DOCK1: variants seen among roughly 807,000 people sequenced by gnomAD.
The protein encoded by DOCK1 is dedicator of cytokinesis protein 1.
DOCK1 carries 138 observed loss-of-function variants against 262.7 expected under a neutral mutation model. That is an observed-to-expected ratio of 0.53 (90% CI 0.46 to 0.61). DOCK1 has a LOEUF of 0.61. Among genes scored for constraint, DOCK1 ranks in the 20% least tolerant of loss-of-function variants. The pLI is 0.00. For synonymous variants in DOCK1, 866 were observed against 867.4 expected, an observed-to-expected ratio of 1.00 and a Z score of 0.03; for missense variants, 1,908 against 2,370.7, an observed-to-expected ratio of 0.80 and a Z score of 4.05.
chr10:127,342,428 T>C (rs1296183237), intron 30 of DOCK1, among the ~76,000 whole-genome samples: 1 of 152,172 alleles, frequency 6.6e-6, no homozygotes, highest in African/African-American at 2.4e-5. Context: ...GTGTTACCTG[T>C]AGCTTTGGGC....
chr10:127,223,582 A>G (rs2058521189), intron 27 of DOCK1, among the ~76,000 whole-genome samples: 1 of 152,192 alleles, frequency 6.6e-6, no homozygotes, highest in Non-Finnish European at 1.5e-5. Flanking sequence ...GTATAATGCA[A>G]ATATTCCAAA....
intron 29 of DOCK1, among the ~76,000 whole-genome samples, chr10:127,302,878 A>G (rs1311008152): frequency 6.6e-6 from 1 of 152,068 alleles, no homozygotes; most frequent in Non-Finnish European, 1.5e-5. Context: ...CCTGTATGCA[A>G]TGAAAATGCA....
Position 127,409,021 on chromosome 10 carries a change from A to G in DOCK1, c.4123-16A>G. 1 of 1,572,660 alleles carries G rather than the reference A, an allele frequency of 6.4e-7. No homozygotes were observed. The highest frequency in any genetic ancestry group is 2.3e-5 in the East Asian group (1 of 43,304). ...CTTTCTCTGTGGTGTTATGAAATGAATGTCACCCTTTTCAGGGAAAAGTTT... is the reference window on the plus strand; with the variant it reads ...CTTTCTCTGTGGTGTTATGAAATGAGTGTCACCCTTTTCAGGGAAAAGTTT... On this transcript the variant is annotated splice_polypyrimidine_tract_variant and intron_variant, in intron 40 of 51. Transcript: ENST00000623213.
intron 1 of DOCK1, among the ~76,000 whole-genome samples, chr10:126,924,162 G>A (rs2033472446): frequency 6.6e-6 from 1 of 150,824 alleles, no homozygotes; most frequent in Admixed American, 6.6e-5. Flanking sequence ...AACTGAGCGG[G>A]GGGACTTGAG....
intron 10 of DOCK1, among the ~76,000 whole-genome samples, chr10:127,002,440 A>G (rs552188396): frequency 2.6e-5 from 4 of 152,302 alleles, no homozygotes; most frequent in African/African-American, 9.6e-5. Context: ...TTCAGTTTTC[A>G]TTGGGTTGAT....
chr10:127,381,854 A>C (rs1293876050), intron 37 of DOCK1, among the ~76,000 whole-genome samples: 2 of 152,108 alleles, frequency 1.3e-5, no homozygotes, highest in Non-Finnish European at 2.9e-5. Flanking sequence ...TCTTCTAAGG[A>C]GTGTTGCTCC....
intron 29 of DOCK1, among the ~76,000 whole-genome samples, chr10:127,276,258 G>C (rs2498950): frequency 0.3 from 46,341 of 152,064 alleles, 8,254 homozygotes; most frequent in South Asian, 0.55. Context: ...AGAGCCCCTA[G>C]AGAGATGACT....
rs72841531 is a variant in DOCK1, at chr10:127,379,508, C to T, written c.3676-574C>T. Among the ~76,000 whole-genome samples, 667 of 152,270 alleles carry T rather than the reference C, an allele frequency of 4.4e-3. 2 individuals are homozygous for T. The highest frequency in any genetic ancestry group is 8.0e-3 in the Non-Finnish European group (543 of 68,026). On this transcript the variant is annotated intron_variant, in intron 35 of 51. Coordinates refer to ENST00000623213, the MANE Select transcript of DOCK1 (RefSeq NM_001290223.2). ...AGACTAGCCGCATGTGGCTGTTAAG[C>T]GCTCCAAGTGTGGCAAGTGCAGCTG...
intron 1 of DOCK1, among the ~76,000 whole-genome samples, chr10:126,947,285 T>C (rs2035503808): frequency 2.1e-5 from 3 of 145,780 alleles, no homozygotes; most frequent in African/African-American, 5.0e-5. Context: ...GTGGTGATGG[T>C]GGTGGTTGGT....
intron 32 of DOCK1, among the ~76,000 whole-genome samples, chr10:127,358,120 A>G (rs1277111270): frequency 6.6e-6 from 1 of 152,186 alleles, no homozygotes; most frequent in South Asian, 2.1e-4. Context: ...TTATCTGCTT[A>G]CAATTAATAA....
chr10:127,361,983 G>C (rs1488979672), intron 32 of DOCK1, 81 bp from the exon 33 acceptor site: 6 of 1,404,752 alleles, frequency 4.3e-6, no homozygotes, highest in Non-Finnish European at 5.7e-6. Flanking sequence ...AGTGATCTGT[G>C]TTGTGTTGTT....
intron 27 of DOCK1, among the ~76,000 whole-genome samples, chr10:127,216,692 G>C (rs970831981): frequency 1.3e-5 from 2 of 152,088 alleles, no homozygotes; most frequent in African/African-American, 4.8e-5. Context: ...GAGCTTTGCT[G>C]TTCAGGAAAC....
intron 23 of DOCK1, among the ~76,000 whole-genome samples, chr10:127,093,702 C>A (rs1051275959): frequency 6.6e-6 from 1 of 151,678 alleles, no homozygotes; most frequent in Non-Finnish European, 1.5e-5. Flanking sequence ...TTAGGGCCCA[C>A]TGTAATTCTA....
chr10:127,272,425 AAGAGATAGATTC>A (rs2060602385), intron 29 of DOCK1, among the ~76,000 whole-genome samples: 1 of 152,164 alleles, frequency 6.6e-6, no homozygotes, highest in Non-Finnish European at 1.5e-5. Flanking sequence ...GAGTCCTAGG[AAGAGATAGATTC>A]TGCTAAATGC....
At position 127,148,779 on chromosome 10, in the gene DOCK1, A is replaced by T. The variant is rs192435174; in HGVS notation, c.2847+21015A>T. ...ATTACGGCATATTTTGACAAGAAATATGGAAGATAAGCCAGAAAAGTTTTC... is the reference window on the plus strand; with the variant it reads ...ATTACGGCATATTTTGACAAGAAATTTGGAAGATAAGCCAGAAAAGTTTTC... On this transcript the variant is annotated intron_variant, in intron 27 of 51. Transcript: ENST00000623213. Among the ~76,000 whole-genome samples, 226 of 152,364 alleles carry T rather than the reference A, an allele frequency of 1.5e-3. 2 individuals carry two copies. The highest frequency in any genetic ancestry group is 5.0e-3 in the African/African-American group (206 of 41,596).
At chr10:126,955,066 T>C (rs1486884108) in intron 1 of DOCK1, among the ~76,000 whole-genome samples, 1 of 152,218 alleles carries the variant, frequency 6.6e-6, no homozygotes, top group Non-Finnish European at 1.5e-5. Context: ...CTTACCAACA[T>C]TTGTTATTTA....
intron 27 of DOCK1, among the ~76,000 whole-genome samples, chr10:127,228,270 T>C (rs1206237238): frequency 6.6e-6 from 1 of 152,152 alleles, no homozygotes; most frequent in African/African-American, 2.4e-5. Context: ...CCACCTTCCC[T>C]CGTTCCTCAT....
chr10:127,286,179 A>AT (rs200909293), intron 29 of DOCK1, among the ~76,000 whole-genome samples: 2,619 of 151,562 alleles, frequency 0.017, 57 homozygotes, highest in South Asian at 0.022. Flanking sequence ...ATCTGTGGTC[A>AT]TTTTTTTTCT....
At chr10:126,963,194 T>G (rs2134564979) in intron 1 of DOCK1, among the ~76,000 whole-genome samples, 1 of 152,354 alleles carries the variant, frequency 6.6e-6, no homozygotes, top group South Asian at 2.1e-4. Flanking sequence ...TTTTGGCTAA[T>G]CTGGGACCTT....
Sources: gnomAD v4.1 joint callset for allele counts (sites outside exome capture counted in the v4.1 genomes callset) on GRCh38, gnomAD v4.1.1 for gene constraint, MANE v1.5 for transcripts, NCBI Gene and HGNC (gene_info 2026-07-23, HGNC 2026-07-21) for gene names.